GTPBP6: variants seen among roughly 807,000 people sequenced by gnomAD.
GTPBP6 encodes the protein GTP binding protein 6.
In GTPBP6, 33 loss-of-function variants were observed where a neutral mutation model predicts 28.9. The observed-to-expected ratio is 1.14, with a 90% CI of 0.87 to 1.53. The LOEUF (loss-of-function observed/expected upper bound fraction) is 1.53, where lower values mean the gene tolerates loss of function less well. Ranked by LOEUF, GTPBP6 falls within the 40% of genes most tolerant of loss-of-function variation. The pLI, the probability that GTPBP6 is intolerant of heterozygous loss-of-function variation, is 0.00. For synonymous variants in GTPBP6, 231 were observed against 192.7 expected (o/e 1.20, Z -1.65); for missense variants, 507 against 408.3 (o/e 1.24, Z -2.08).
chrX:306,784 T>C (rs2070176645), intron 9 of GTPBP6, among the ~76,000 whole-genome samples: 1 of 150,764 alleles, frequency 6.6e-6, no homozygotes, highest in Non-Finnish European at 1.5e-5. Context: ...AAATGTACAT[T>C]TTCACTGTCA....
chrX:309,044 G>T (rs1463543757), intron 7 of GTPBP6, among the ~76,000 whole-genome samples: 1 of 152,130 alleles, frequency 6.6e-6, no homozygotes, highest in Non-Finnish European at 1.5e-5. Flanking sequence ...TTGTCGGGAG[G>T]AGTCGAAAGC....
At chrX:304,981 G>A (rs1375719189) in exon 10 of GTPBP6, 3 of 1,545,724 alleles carry the variant, frequency 1.9e-6, no homozygotes, top group Admixed American at 1.9e-5. Flanking sequence ...GGACCCTGCT[G>A]CACCTGACAC....
chrX:309,534 G>A (rs762627498), intron 7 of GTPBP6, among the ~76,000 whole-genome samples: 4 of 152,298 alleles, frequency 2.6e-5, no homozygotes, highest in Admixed American at 2.6e-4. Context: ...AGTTTTTGCA[G>A]ATGTAGTTAA....
At position 307,529 on chromosome X, in the gene GTPBP6, G is replaced by A. The variant is rs2070197780; in HGVS notation, c.1275-17C>T. 6.2e-7 allele frequency: 1 copy of A among 1,609,554 alleles called. No homozygotes were observed. Among genetic ancestry groups the A allele is most frequent in the African/African-American group, 1.3e-5 (1 of 74,836 alleles). ...GGGCTGTACCTGCAAGGGTGGGGATGTCACAGGCCCCGCTCAGCGTCGGGG... is the reference window on the plus strand; with the variant it reads ...GGGCTGTACCTGCAAGGGTGGGGATATCACAGGCCCCGCTCAGCGTCGGGG... On this transcript the variant is annotated splice_polypyrimidine_tract_variant and intron_variant, in intron 8 of 9. Transcript: ENST00000326153.
chrX:317,702 CCCCA>C, intron 1 of GTPBP6, among the ~76,000 whole-genome samples: 1 of 68,954 alleles, frequency 1.5e-5, no homozygotes, highest in African/African-American at 4.3e-5. Flanking sequence ...CCCAACCCCA[CCCCA>C]CCCCACCCCA....
chrX:311,220 G>C (rs1190698629), intron 7 of GTPBP6, among the ~76,000 whole-genome samples, 199 bp downstream of exon 7: 3 of 59,926 alleles, frequency 5.0e-5, no homozygotes, highest in Non-Finnish European at 9.5e-5. Context: ...CCCTGGCTTT[G>C]TGTGTGTCTG....
At position 307,550 on chromosome X, in the gene GTPBP6, C is replaced by G. The variant is rs376922446; in HGVS notation, c.1275-38G>C. On this transcript the variant is annotated intron_variant, in intron 8 of 9. Transcript: ENST00000326153. ...GGATGTCACAGGCCCCGCTCAGCGTCGGGGCGGCCGGACGAAATCAGGGTC... is the reference window on the plus strand; with the variant it reads ...GGATGTCACAGGCCCCGCTCAGCGTGGGGGCGGCCGGACGAAATCAGGGTC... 7 of 1,601,046 alleles carry G rather than the reference C, an allele frequency of 4.4e-6. No homozygotes were observed. In the African/African-American group the frequency reaches 9.4e-5, roughly 21 times the overall value.
At chrX:308,156 C>T (rs758250515) in intron 7 of GTPBP6, among the ~76,000 whole-genome samples, 60 of 150,712 alleles carry the variant, frequency 4.0e-4, no homozygotes, top group Non-Finnish European at 8.5e-4. Context: ...TATATGAGCA[C>T]CCAACCACCA....
chrX:317,783 C>A (rs1466437975), intron 1 of GTPBP6, among the ~76,000 whole-genome samples: 2 of 144,856 alleles, frequency 1.4e-5, no homozygotes, highest in Non-Finnish European at 3.0e-5. Context: ...ATAAGCTCCG[C>A]CCCCGCACTT....
At chrX:306,500 G>A (rs1442527056) in intron 9 of GTPBP6, among the ~76,000 whole-genome samples, 1 of 145,640 alleles carries the variant, frequency 6.9e-6, no homozygotes, top group Non-Finnish European at 1.5e-5. Flanking sequence ...TTAGGCACCT[G>A]TTGTATGCAC....
chrX:307,220 C>G, intron 9 of GTPBP6, 140 bp downstream of exon 9: 1 of 725,626 alleles, frequency 1.4e-6, no homozygotes, highest in Non-Finnish European at 2.2e-6. Flanking sequence ...ACATTTGATG[C>G]AAACCCATTC....
chrX:305,013 G>A, exon 10 of GTPBP6: 6 of 1,593,656 alleles, frequency 3.8e-6, no homozygotes, highest in Non-Finnish European at 2.6e-6. Context: ...CAACACAGCG[G>A]TAACGCCTCA....
At chrX:314,690 A>G (rs1351209844) in intron 4 of GTPBP6, among the ~76,000 whole-genome samples, 200 bp downstream of exon 4, 6 of 151,996 alleles carry the variant, frequency 3.9e-5, no homozygotes, top group Non-Finnish European at 8.8e-5. Flanking sequence ...GTTGGCCAGG[A>G]TGGTCTCGAT....
chrX:310,310 C>CGTGG (rs1361432583), intron 7 of GTPBP6, among the ~76,000 whole-genome samples: 16 of 138,438 alleles, frequency 1.2e-4, no homozygotes, highest in Non-Finnish European at 1.8e-4. Flanking sequence ...GAGGAGGCCA[C>CGTGG]AGACAGAGGC....
At chrX:305,121 T>C in exon 10 of GTPBP6, 1 of 1,613,518 alleles carries the variant, frequency 6.2e-7, no homozygotes, top group Non-Finnish European at 8.5e-7. Flanking sequence ...GAGTTGCTGA[T>C]GATGACCCTC....
chrX:317,599 G>GCC (rs2070461647), intron 1 of GTPBP6, among the ~76,000 whole-genome samples: 2 of 151,008 alleles, frequency 1.3e-5, no homozygotes, highest in African/African-American at 4.9e-5. Context: ...TCCGCTGGAC[G>GCC]CCCTCCCTTC....
At chrX:311,911 G>A (rs2070309035) in intron 6 of GTPBP6, 2 of 596,564 alleles carry the variant, frequency 3.4e-6, no homozygotes, top group Middle Eastern at 4.5e-4. Flanking sequence ...GAGGTCGTCT[G>A]TGTAGATTTG....
chrX:308,472 G>C (rs1254967175), intron 7 of GTPBP6, among the ~76,000 whole-genome samples: 10 of 152,096 alleles, frequency 6.6e-5, no homozygotes, highest in Non-Finnish European at 1.3e-4. Flanking sequence ...CTTGAGCCCA[G>C]AAGTTTGAGA....
intron 1 of GTPBP6, among the ~76,000 whole-genome samples, chrX:317,562 T>G (rs1275497021): frequency 2.5e-3 from 114 of 46,058 alleles, no homozygotes; most frequent in Admixed American, 7.8e-3. Flanking sequence ...TCCTGGGGGG[T>G]GGGGGGTGGG....
Sources: allele counts gnomAD v4.1 joint callset (sites outside exome capture counted in the v4.1 genomes callset), GRCh38; gene constraint gnomAD v4.1.1; transcripts MANE v1.5; gene names NCBI Gene and HGNC (gene_info 2026-07-23, HGNC 2026-07-21).